DIAPH2: variants seen among roughly 807,000 people sequenced by gnomAD.
The protein encoded by DIAPH2 is protein diaphanous homolog 2.
DIAPH2 carries 35 observed loss-of-function variants against 92.7 expected under a neutral mutation model. That is an observed-to-expected ratio of 0.38 (90% CI 0.29 to 0.50). The LOEUF is 0.50. Among genes scored for constraint, DIAPH2 ranks in the 20% least tolerant of loss-of-function variants. DIAPH2 has a pLI of 0.94. For missense variants in DIAPH2, 701 were observed against 819.5 expected (o/e 0.86, Z 1.77); for synonymous variants, 301 against 280.4 (o/e 1.07, Z -0.73).
At chrX:96,990,220 C>T (rs1194874580) in intron 17 of DIAPH2, among the ~76,000 whole-genome samples, 1 of 112,106 alleles carries the variant, frequency 8.9e-6, no homozygotes. Flanking sequence ...CCCAGTCTTT[C>T]CATTTCTGCC....
chrX:96,977,819 G>A (rs1374862562), intron 17 of DIAPH2, among the ~76,000 whole-genome samples: 1 of 110,847 alleles, frequency 9.0e-6, no homozygotes, highest in Non-Finnish European at 1.9e-5. Context: ...AAGTAGCTGG[G>A]ATTATAGGTG....
At chrX:96,718,224 T>C (rs2063964069) in intron 1 of DIAPH2, among the ~76,000 whole-genome samples, 1 of 107,721 alleles carries the variant, frequency 9.3e-6, no homozygotes, top group Non-Finnish European at 1.9e-5. Context: ...GCCTGGCTTT[T>C]TTTTCACTTA....
intron 4 of DIAPH2, among the ~76,000 whole-genome samples, chrX:96,786,179 C>T (rs2064455809): frequency 8.9e-6 from 1 of 111,980 alleles, no homozygotes; most frequent in South Asian, 3.7e-4. Context: ...TGAGAGTCCC[C>T]TGTTGCCATC....
chrX:97,005,291 TTGGCCTTATAGAATGAATTTGGAA>T (rs1272298322), intron 17 of DIAPH2, among the ~76,000 whole-genome samples: 1 of 110,549 alleles, frequency 9.0e-6, no homozygotes, highest in African/African-American at 3.3e-5. Flanking sequence ...TTTGGTAATA[TTGGCCTTATAGAATGAATTTGGAA>T]GTATTCCCTC....
intron 2 of DIAPH2, among the ~76,000 whole-genome samples, chrX:96,737,962 T>C (rs1431107896): frequency 9.0e-6 from 1 of 111,180 alleles, no homozygotes; most frequent in African/African-American, 3.3e-5. Context: ...AACCCTATGG[T>C]GTAAGTAATA....
At chrX:96,860,340 T>C (rs772039861) in intron 4 of DIAPH2, among the ~76,000 whole-genome samples, 2 of 111,634 alleles carry the variant, frequency 1.8e-5, no homozygotes, top group African/African-American at 6.5e-5. Flanking sequence ...TGCAAAAAAA[T>C]AGACAATACG....
rs144990212 is a variant in DIAPH2 at position 97,105,393 on chromosome X, A to T, written c.2349+5598A>T. On this transcript the variant is annotated intron_variant, in intron 20 of 26. Coordinates refer to ENST00000324765, the MANE Select transcript of DIAPH2 (RefSeq NM_006729.5). ...TGGTAAGGGGGACATGCTCGCTCCC[A>T]CATATTGTATGATCAATAATCTTGT... Among the ~76,000 whole-genome samples the T allele has an allele frequency of 3.6e-5, 4 of 111,927 alleles. No homozygotes were observed. In the East Asian group the frequency reaches 1.1e-3, roughly 32 times the overall value.
At position 97,514,823 on chromosome X, in the gene DIAPH2, G is replaced by A. The variant is rs757503294; in HGVS notation, c.3242-84430G>A. On this transcript the variant is annotated intron_variant, in intron 26 of 26. Transcript: ENST00000324765. ...GGGTGCCTCCCAGTTAGGCTGCTCG[G>A]GGGTCAGAGGTCAGGGACCCACTTG... Among the ~76,000 whole-genome samples, 13 of 111,216 alleles carry A rather than the reference G, an allele frequency of 1.2e-4. No individual in the cohort carries two copies. The South Asian group carries it at 5.1e-3, about 43-fold the overall frequency.
intron 25 of DIAPH2, among the ~76,000 whole-genome samples, chrX:97,403,268 A>T (rs1192183673): frequency 1.8e-5 from 2 of 112,303 alleles, no homozygotes; most frequent in Non-Finnish European, 3.8e-5. Flanking sequence ...CCTGTAAGTG[A>T]CCTCTTTTAT....
At chrX:96,779,072 C>T (rs1381282521) in intron 4 of DIAPH2, among the ~76,000 whole-genome samples, 2 of 111,932 alleles carry the variant, frequency 1.8e-5, no homozygotes, top group Non-Finnish European at 3.8e-5. Flanking sequence ...GAGATTCTTG[C>T]CTGAATGAAT....
chrX:96,954,952 ACTAAT>A (rs1279159892), intron 15 of DIAPH2, among the ~76,000 whole-genome samples: 2 of 112,653 alleles, frequency 1.8e-5, no homozygotes, highest in Non-Finnish European at 3.7e-5. Flanking sequence ...ATTCAAACCA[ACTAAT>A]CTAACTGGCC....
At chrX:97,352,976 C>T (rs1034071370) in intron 24 of DIAPH2, among the ~76,000 whole-genome samples, 1 of 106,044 alleles carries the variant, frequency 9.4e-6, no homozygotes, top group Non-Finnish European at 1.9e-5. Flanking sequence ...TTCCATGATA[C>T]ACAATGGAGA....
At chrX:97,016,310 T>G (rs2054039436) in intron 17 of DIAPH2, among the ~76,000 whole-genome samples, 1 of 112,275 alleles carries the variant, frequency 8.9e-6, no homozygotes, top group African/African-American at 3.2e-5. Flanking sequence ...AGCCTATGAG[T>G]TTATGCAATT....
chrX:97,318,028 C>T (rs1463403904), intron 23 of DIAPH2, among the ~76,000 whole-genome samples: 3 of 111,735 alleles, frequency 2.7e-5, no homozygotes, highest in Non-Finnish European at 5.6e-5. Context: ...TGCAATAGAA[C>T]ACCAAAATTT....
intron 17 of DIAPH2, among the ~76,000 whole-genome samples, chrX:96,991,318 A>G (rs1015491265): frequency 5.5e-5 from 6 of 109,637 alleles, no homozygotes; most frequent in African/African-American, 2.0e-4. Flanking sequence ...GGGTTTCTCT[A>G]TGTTGGCCAG....
At chrX:97,351,941 A>G (rs2069219546) in intron 24 of DIAPH2, among the ~76,000 whole-genome samples, 1 of 111,222 alleles carries the variant, frequency 9.0e-6, no homozygotes, top group African/African-American at 3.2e-5. Flanking sequence ...ACTTCAGTCA[A>G]TCCTTTGTGC....
intron 22 of DIAPH2, among the ~76,000 whole-genome samples, chrX:97,198,301 CACAT>C (rs1282398078): frequency 3.3e-4 from 31 of 94,840 alleles, no homozygotes; most frequent in African/African-American, 9.9e-4. Context: ...CACACACACA[CACAT>C]ATGTGTATAT....
At chrX:97,290,594 G>A (rs764138102) in intron 23 of DIAPH2, among the ~76,000 whole-genome samples, 102 of 112,600 alleles carry the variant, frequency 9.1e-4, no homozygotes, top group Admixed American at 2.0e-3. Flanking sequence ...CTAAACATTG[G>A]CCTGTGTGTG....
chrX:97,465,569 T>C (rs772790346), intron 26 of DIAPH2, among the ~76,000 whole-genome samples: 3 of 111,864 alleles, frequency 2.7e-5, no homozygotes, highest in Non-Finnish European at 5.6e-5. Context: ...TGCCATCTTA[T>C]ATAAGGAACT....
Sources: gnomAD v4.1 joint callset for allele counts (sites outside exome capture counted in the v4.1 genomes callset) on GRCh38, gnomAD v4.1.1 for gene constraint, MANE v1.5 for transcripts, NCBI Gene and HGNC (gene_info 2026-07-23, HGNC 2026-07-21) for gene names.